Variants in PXDNL observed in about 807,000 individuals in gnomAD.
PXDNL encodes probable oxidoreductase PXDNL.
PXDNL carries 145 observed loss-of-function variants against 150.8 expected under a neutral mutation model. That is an observed-to-expected ratio of 0.96 (90% CI 0.84 to 1.10). PXDNL has a LOEUF of 1.10. Among genes scored for constraint, PXDNL ranks in the 50% least tolerant of loss-of-function variants. The pLI is 0.00. For missense variants in PXDNL, 2,087 were observed against 1,873.9 expected (o/e 1.11, Z -2.10); for synonymous variants, 757 against 725.7 (o/e 1.04, Z -0.69).
At chr8:51,602,210 T>A (rs1813739797) in intron 2 of PXDNL, among the ~76,000 whole-genome samples, 1 of 151,998 alleles carries the variant, frequency 6.6e-6, no homozygotes, top group African/African-American at 2.4e-5. Flanking sequence ...ATTTTTTGTA[T>A]CTAGATGTCT....
At chr8:51,534,062 T>C (rs1336874906) in intron 4 of PXDNL, among the ~76,000 whole-genome samples, 1 of 138,346 alleles carries the variant, frequency 7.2e-6, no homozygotes, top group Non-Finnish European at 1.5e-5. Context: ...CCCGCCGCCA[T>C]CCCATCTAGG....
intron 21 of PXDNL, among the ~76,000 whole-genome samples, chr8:51,325,223 T>C (rs752337939): frequency 3.3e-5 from 5 of 152,204 alleles, no homozygotes; most frequent in African/African-American, 7.2e-5. Context: ...TCAGTGTTGA[T>C]TGCCTGTTTT....
intron 8 of PXDNL, among the ~76,000 whole-genome samples, chr8:51,458,029 G>A (rs1050067219): frequency 6.3e-4 from 96 of 152,142 alleles, no homozygotes; most frequent in African/African-American, 2.2e-3. Flanking sequence ...TCACCAGATG[G>A]TAATATGTAA....
chr8:51,535,723 A>AG (rs1812057519), intron 4 of PXDNL, among the ~76,000 whole-genome samples: 1 of 138,136 alleles, frequency 7.2e-6, no homozygotes, highest in African/African-American at 3.1e-5. Flanking sequence ...ATAAAAAAAT[A>AG]AATAAATAAA....
intron 2 of PXDNL, among the ~76,000 whole-genome samples, chr8:51,624,434 C>CA (rs1814324004): frequency 6.6e-6 from 1 of 152,120 alleles, no homozygotes; most frequent in Non-Finnish European, 1.5e-5. Flanking sequence ...GTAGCCTTTT[C>CA]ACATTGCTAC....
intron 4 of PXDNL, among the ~76,000 whole-genome samples, chr8:51,515,160 G>T (rs776162357): frequency 3.9e-5 from 6 of 152,162 alleles, no homozygotes; most frequent in Non-Finnish European, 7.3e-5. Context: ...AGGAGGGAAG[G>T]GGGCAAGGAC....
intron 10 of PXDNL, among the ~76,000 whole-genome samples, chr8:51,452,919 CAAACGCACACACACAA>C (rs1290639516): frequency 2.1e-5 from 3 of 144,532 alleles, no homozygotes; most frequent in Non-Finnish European, 4.6e-5. Flanking sequence ...CACACACACA[CAAACGCACACACACAA>C]ACACACACAC....
rs189117509 is a variant in PXDNL, at chr8:51,392,455, G to A, written c.3557+15612C>T. The stretch of plus-strand genomic sequence containing the variant: ...AGTTCTCCTTGAAGAGGTCCTTCAC[G>A]TCCCTTGTAAGTTGGATTTCTAGGT... On this transcript the variant is annotated intron_variant, in intron 17 of 22. Transcript: ENST00000356297. 8.5e-5 allele frequency among the ~76,000 whole-genome samples: 13 copies of A among 152,058 alleles called. No individual in the cohort carries two copies. The East Asian group carries it at 1.4e-3, about 16-fold the overall frequency.
Position 51,448,873 on chromosome 8 carries a change from G to C in PXDNL, c.1366+129C>G, listed in dbSNP as rs536739707. 8.6e-6 allele frequency: 6 copies of C among 697,588 alleles called. No individual in the cohort carries two copies. In the African/African-American group the frequency reaches 1.1e-4, roughly 12 times the overall value. 43.2% of individuals were successfully genotyped at this position (697,588 alleles called of 1,614,324 possible). A position where few individuals can be genotyped will look rare whatever the true frequency, so the allele number is the denominator to read the frequency against. On this transcript the variant is annotated intron_variant, in intron 11 of 22. Transcript: ENST00000356297. ...ATGATGATGTCATATTTAGATCAAA[G>C]ATTATTTTCTGTGTAATTTTTTCAT... is the stretch of plus-strand genomic sequence containing the variant.
intron 1 of PXDNL, among the ~76,000 whole-genome samples, chr8:51,803,864 A>C (rs1001143713): frequency 6.6e-6 from 1 of 152,156 alleles, no homozygotes; most frequent in African/African-American, 2.4e-5. Flanking sequence ...TCAGAACTGC[A>C]TGTTTTGCCT....
chr8:51,572,260 T>A (rs551659035), intron 3 of PXDNL, among the ~76,000 whole-genome samples: 1 of 152,004 alleles, frequency 6.6e-6, no homozygotes, highest in East Asian at 1.9e-4. Flanking sequence ...CTCAAACAGA[T>A]ACATGCAAAG....
rs1025313938 is a variant in PXDNL, at chr8:51,411,181, C to G, written c.2062+69G>C. The G allele has an allele frequency of 2.2e-5, 27 of 1,244,198 alleles. No individual in the cohort carries two copies. The African/African-American group carries it at 4.2e-4, about 19-fold the overall frequency. 77.1% of individuals were successfully genotyped at this position (1,244,198 alleles called of 1,614,324 possible). A position where few individuals can be genotyped will look rare whatever the true frequency, so the allele number is the denominator to read the frequency against. ...ATTCTGGAGATTAAAAGTTCAGTGT[C>G]CTTTGCTAAGGTGGTGGTCAGTTTT... On this transcript the variant is annotated intron_variant, in intron 16 of 22. Coordinates refer to ENST00000356297, the MANE Select transcript of PXDNL (RefSeq NM_144651.5).
At chr8:51,321,015 G>C (rs1021525766) in intron 21 of PXDNL, 118 bp from the exon 22 acceptor site, 2 of 738,710 alleles carry the variant, frequency 2.7e-6, no homozygotes. Flanking sequence ...GAAGGCAAAA[G>C]AAACTTCAAA....
At chr8:51,324,725 C>T (rs1052838931) in intron 21 of PXDNL, among the ~76,000 whole-genome samples, 13 of 152,184 alleles carry the variant, frequency 8.5e-5, no homozygotes, top group African/African-American at 3.1e-4. Context: ...AGCCCATCAA[C>T]TGATCTTTTT....
chr8:51,544,673 C>T (rs1174905002), intron 4 of PXDNL, among the ~76,000 whole-genome samples: 1 of 152,078 alleles, frequency 6.6e-6, no homozygotes, highest in Non-Finnish European at 1.5e-5. Context: ...CCTTCCTCAC[C>T]CCCCACAACC....
At chr8:51,744,886 G>A (rs961091608) in intron 1 of PXDNL, among the ~76,000 whole-genome samples, 1 of 144,334 alleles carries the variant, frequency 6.9e-6, no homozygotes, top group East Asian at 2.0e-4. Flanking sequence ...AAGAGAAAGA[G>A]AAGGAAGGAA....
rs143464967 is a variant in PXDNL, at chr8:51,329,994, A to G, written c.4147-9097T>C. On this transcript the variant is annotated intron_variant, in intron 21 of 22. Coordinates refer to ENST00000356297, the MANE Select transcript of PXDNL (RefSeq NM_144651.5). ...GTCTGAGTCTGAAGGCCTGAGAACC[A>G]GGAGTGCTGAGGGCAGGAGAGGCTT... Among the ~76,000 whole-genome samples the G allele has an allele frequency of 2.0e-3, 311 of 152,310 alleles. 1 individual carries two copies. The highest frequency in any genetic ancestry group is 7.1e-3 in the African/African-American group (294 of 41,580).
chr8:51,479,748 TTATC>T (rs1441305854), intron 6 of PXDNL, among the ~76,000 whole-genome samples: 1 of 152,014 alleles, frequency 6.6e-6, no homozygotes, highest in Admixed American at 6.6e-5. Context: ...GGATGAGAAA[TTATC>T]TAATGGGTGC....
At chr8:51,580,649 A>G (rs1427000827) in intron 3 of PXDNL, among the ~76,000 whole-genome samples, 1 of 152,202 alleles carries the variant, frequency 6.6e-6, no homozygotes, top group Non-Finnish European at 1.5e-5. Flanking sequence ...AACATGTGTA[A>G]GTACCAGAGA....
Sources: allele counts gnomAD v4.1 joint callset (sites outside exome capture counted in the v4.1 genomes callset), GRCh38; gene constraint gnomAD v4.1.1; transcripts MANE v1.5; gene names NCBI Gene and HGNC (gene_info 2026-07-23, HGNC 2026-07-21).